Variants in RSRC1 observed in about 807,000 individuals in gnomAD.
RSRC1 encodes the protein serine/Arginine-related protein 53.
RSRC1 carries 39 observed loss-of-function variants against 49.1 expected under a neutral mutation model. That is an observed-to-expected ratio of 0.79 (90% CI 0.61 to 1.04). The LOEUF is 1.04. Among genes scored for constraint, RSRC1 ranks in the 50% least tolerant of loss-of-function variants. RSRC1 has a pLI of 0.00. For missense variants in RSRC1, 388 were observed against 402.4 expected (o/e 0.96, Z 0.31); for synonymous variants, 143 against 130.8 (o/e 1.09, Z -0.63).
At chr3:158,171,485 G>A (rs115762282) in intron 3 of RSRC1, among the ~76,000 whole-genome samples, 5,437 of 152,168 alleles carry the variant, frequency 0.036, 314 homozygotes, top group African/African-American at 0.12. Flanking sequence ...CCAGAGTAAA[G>A]GTAAGCCCTT....
At chr3:158,290,636 A>T (rs923681101) in intron 4 of RSRC1, among the ~76,000 whole-genome samples, 2 of 152,222 alleles carry the variant, frequency 1.3e-5, no homozygotes, top group Admixed American at 6.5e-5. Context: ...AACATTTGAT[A>T]TATAACAAAA....
chr3:158,425,583 T>C (rs1159366917), intron 6 of RSRC1, among the ~76,000 whole-genome samples: 1 of 152,038 alleles, frequency 6.6e-6, no homozygotes, highest in Non-Finnish European at 1.5e-5. Flanking sequence ...GAGAGTTCTG[T>C]AGATGTCTAT....
At chr3:158,486,613 A>G (rs1030564177) in intron 7 of RSRC1, among the ~76,000 whole-genome samples, 14 of 152,162 alleles carry the variant, frequency 9.2e-5, no homozygotes, top group Admixed American at 2.6e-4. Flanking sequence ...TACATTTTTC[A>G]AATCTGTCAG....
intron 7 of RSRC1, among the ~76,000 whole-genome samples, chr3:158,468,546 T>C (rs6780782): frequency 0.52 from 79,044 of 151,958 alleles, 21,114 homozygotes; most frequent in African/African-American, 0.64. Context: ...TTCAGTGCCA[T>C]TTACTAGCTT....
intron 3 of RSRC1, among the ~76,000 whole-genome samples, chr3:158,150,586 T>C (rs1717462395): frequency 6.6e-6 from 1 of 152,190 alleles, no homozygotes; most frequent in African/African-American, 2.4e-5. Context: ...TATTATGTGT[T>C]AGGGACAGTA....
At chr3:158,426,237 TTGA>T (rs1735432943) in intron 6 of RSRC1, among the ~76,000 whole-genome samples, 1 of 151,694 alleles carries the variant, frequency 6.6e-6, no homozygotes, top group Admixed American at 6.6e-5. Flanking sequence ...ATTAGACATC[TTGA>T]TGAAAGGCAA....
intron 4 of RSRC1, among the ~76,000 whole-genome samples, chr3:158,239,388 C>G (rs968517406): frequency 6.6e-6 from 1 of 152,144 alleles, no homozygotes; most frequent in Non-Finnish European, 1.5e-5. Flanking sequence ...ATAAATCATG[C>G]TACTATAAAG....
chr3:158,317,614 AGTGGTGTGAT>A (rs1728533045), intron 5 of RSRC1, among the ~76,000 whole-genome samples: 1 of 151,994 alleles, frequency 6.6e-6, no homozygotes. Context: ...GCAGGAGTTC[AGTGGTGTGAT>A]GTTGGCTCAC....
In RSRC1 at chr3:158,310,691, A is replaced by G. The variant is rs79758686; in HGVS notation, c.531+12616A>G. On this transcript the variant is annotated intron_variant, in intron 5 of 9. Coordinates refer to ENST00000611884, the MANE Select transcript of RSRC1 (RefSeq NM_001271838.2). ...ATATGTTTTAAAATAACACAAATCA[A>G]TACTAGTTGAGGAACACCTGATTTC... Among the ~76,000 whole-genome samples, 1,166 of 151,856 alleles carry G rather than the reference A, an allele frequency of 7.7e-3. 7 individuals carry two copies. The highest frequency in any genetic ancestry group is 0.027 in the African/African-American group (1,108 of 41,532).
chr3:158,163,381 G>A (rs1718353410), intron 3 of RSRC1, among the ~76,000 whole-genome samples: 1 of 152,122 alleles, frequency 6.6e-6, no homozygotes, highest in South Asian at 2.1e-4. Flanking sequence ...TTTTGAAGTT[G>A]CTGTAGACAT....
intron 4 of RSRC1, among the ~76,000 whole-genome samples, chr3:158,286,532 G>A (rs926740552): frequency 6.6e-5 from 10 of 152,124 alleles, no homozygotes; most frequent in African/African-American, 2.4e-4. Flanking sequence ...TTTAAGTGCT[G>A]GGAAGTGCAA....
chr3:158,153,534 C>T (rs1261621836), intron 3 of RSRC1, among the ~76,000 whole-genome samples: 1 of 152,114 alleles, frequency 6.6e-6, no homozygotes, highest in African/African-American at 2.4e-5. Flanking sequence ...TTAAGAGTTT[C>T]CTTGAGGTTG....
chr3:158,470,052 C>T (rs1253597006), intron 7 of RSRC1, among the ~76,000 whole-genome samples: 1 of 151,900 alleles, frequency 6.6e-6, no homozygotes, highest in Admixed American at 6.6e-5. Flanking sequence ...AGATACATGG[C>T]TGTAACATAT....
chr3:158,235,608 TAACAC>T (rs1038473478), intron 4 of RSRC1, among the ~76,000 whole-genome samples: 3 of 151,772 alleles, frequency 2.0e-5, no homozygotes, highest in African/African-American at 7.3e-5. Context: ...AACTGAAACT[TAACAC>T]TACAGAATTT....
chr3:158,209,475 G>A (rs1395002039), intron 4 of RSRC1, among the ~76,000 whole-genome samples: 1 of 152,012 alleles, frequency 6.6e-6, no homozygotes, highest in African/African-American at 2.4e-5. Context: ...TTCTGTTATA[G>A]CAGCACAGAA....
chr3:158,399,113 C>G (rs562577460), intron 6 of RSRC1, among the ~76,000 whole-genome samples: 24 of 118,086 alleles, frequency 2.0e-4, no homozygotes, highest in African/African-American at 6.7e-4. Flanking sequence ...ATAAGAAATA[C>G]TATTATTTCC....
chr3:158,349,715 T>TC (rs11372815), intron 5 of RSRC1, among the ~76,000 whole-genome samples: 1 of 147,298 alleles, frequency 6.8e-6, no homozygotes, highest in Admixed American at 6.8e-5. Flanking sequence ...TTTTTTTTTT[T>TC]GAGACAGGGT....
intron 4 of RSRC1, among the ~76,000 whole-genome samples, chr3:158,252,067 A>G (rs1222888224): frequency 2.6e-5 from 4 of 151,844 alleles, no homozygotes; most frequent in Non-Finnish European, 5.9e-5. Flanking sequence ...GCATTAATTG[A>G]TTCTGTTGGT....
chr3:158,543,573 A>C, intron 9 of RSRC1, 86 bp downstream of exon 9: 3 of 1,367,238 alleles, frequency 2.2e-6, no homozygotes, highest in Non-Finnish European at 3.0e-6. Flanking sequence ...GCTAACACCA[A>C]GGAGACCATT....
Sources: gnomAD v4.1 joint callset for allele counts (sites outside exome capture counted in the v4.1 genomes callset) on GRCh38, gnomAD v4.1.1 for gene constraint, MANE v1.5 for transcripts, NCBI Gene and HGNC (gene_info 2026-07-23, HGNC 2026-07-21) for gene names.